The following PRSS33 variants were observed in gnomAD, a reference collection of about 807,000 sequenced individuals.
PRSS33 encodes protease, serine 33.
In PRSS33, 32 loss-of-function variants were observed where a neutral mutation model predicts 26.7. The observed-to-expected ratio is 1.20, with a 90% CI of 0.90 to 1.61. The LOEUF is 1.61. Among genes scored for constraint, PRSS33 ranks in the 40% most tolerant of loss-of-function variants. The pLI is 0.00. For missense variants in PRSS33, 450 were observed against 396.3 expected, an observed-to-expected ratio of 1.14 and a Z score of -1.15; for synonymous variants, 192 against 177.6, an observed-to-expected ratio of 1.08 and a Z score of -0.64.
At chr16:2,785,994 T>G in intron 3 of PRSS33, 33 bp from the exon 4 acceptor site, 2 of 1,613,010 alleles carry the variant, frequency 1.2e-6, no homozygotes. Flanking sequence ...GAGGGTTGGC[T>G]GAGGACCTGG....
chr16:2,787,751 G>C (rs2068894469), upstream of PRSS33: 1 of 152,488 alleles, frequency 6.6e-6, no homozygotes. Context: ...CTTGCGCCAA[G>C]GTACTAGAAG....
At chr16:2,786,726 T>C in intron 1 of PRSS33, 122 bp from the exon 2 acceptor site, 2 of 661,034 alleles carry the variant, frequency 3.0e-6, no homozygotes, top group South Asian at 3.8e-5. Flanking sequence ...TCTGGACTTA[T>C]CCTGGTGGCC....
chr16:2,785,957 G>C lies in PRSS33; in HGVS notation c.84C>G (p.Cys28Trp). ...AGTQGRKSAA[C>W]GQPRMSSRIV... ...TCCGACTGGACATGCGGGGCTGCCC[G>C]CAGGCTAGAAAAGGACCAGGGGCGG... Residue 28 changes from cysteine (C) to tryptophan (W), a missense_variant, in exon 4 of 7, where the codon TGC becomes TGG. Coordinates refer to ENST00000682474, the MANE Select transcript of PRSS33 (RefSeq NM_152891.3). The C allele has an allele frequency of 1.2e-6, 2 of 1,612,742 alleles. No individual in the cohort carries two copies. The highest frequency in any genetic ancestry group is 2.2e-5 in the South Asian group (2 of 91,046).
In PRSS33 at chr16:2,785,014, C is replaced by A; in HGVS notation, c.672G>T (p.Lys224Asn). 6.3e-7 allele frequency: 1 copy of A among 1,596,926 alleles called. No homozygotes were observed. Residue 224 changes from lysine to asparagine, a missense_variant, in exon 6 of 7, where the codon AAG becomes AAT. Physicochemically the swap from Lys to Asn is moderately conservative, Grantham distance 94. Coordinates refer to ENST00000682474, the MANE Select transcript of PRSS33 (RefSeq NM_152891.3). ...GCTGGGTGCACACCTGGCAGGCGTC[C>A]TTGTGGCCCTGGGGGTAGCCGGCAC... ...SLCAGYPQGH[K>N]DACQGDSGGP...
chr16:2,786,024 G>T (rs2068870400), intron 3 of PRSS33, 63 bp from the exon 4 acceptor site: 14 of 1,611,500 alleles, frequency 8.7e-6, no homozygotes, highest in South Asian at 1.1e-5. Flanking sequence ...GGCAGGTGTT[G>T]GTGGGGAGAC....
chr16:2,784,728 C>T lies in PRSS33; in HGVS notation c.759G>A (p.Lys253=). Residue 253 remains lysine (K), a synonymous_variant, in exon 7 of 7, where the codon AAG becomes AAA. Coordinates refer to ENST00000682474, the MANE Select transcript of PRSS33 (RefSeq NM_152891.3). ...CTGGACGGTTGGGCAGGGCACAACC[C>T]TTGCCCCAGCTCACCACGCCCACCA... ...WVLVGVVSWG[K]GCALPNRPGV... is the part of the protein sequence containing the mutation. The T allele has an allele frequency of 1.2e-6, 2 of 1,607,246 alleles. No individual in the cohort carries two copies. The highest frequency in any genetic ancestry group is 1.7e-6 in the Non-Finnish European group (2 of 1,177,106).
rs746061465 is a variant in PRSS33 at position 2,785,832 on chromosome 16, T to TG, written c.208dup (p.Gln70ProfsTer18). The TG allele has an allele frequency of 1.2e-6, 2 of 1,605,918 alleles. No individual in the cohort carries two copies. The highest frequency in any genetic ancestry group is 2.2e-5 in the South Asian group (2 of 90,692). On this transcript the variant is annotated frameshift_variant, in exon 4 of 7. Transcript: ENST00000682474. LOFTEE classifies it high-confidence loss of function. Reference sequence around the variant, plus strand: ...GCAGTGCGCCGCTGTCAGCACCCACTGGGGGGCGATGAGCGACCCCCCGCA... The same window carrying TG: ...GCAGTGCGCCGCTGTCAGCACCCACTGGGGGGGCGATGAGCGACCCCCCGCA...
At chr16:2,785,745 CTGCGGGCCTT>C in intron 4 of PRSS33, 44 bp downstream of exon 4, 5 of 1,516,698 alleles carry the variant, frequency 3.3e-6, no homozygotes, top group Non-Finnish European at 4.4e-6. Context: ...GCCCGGTCCT[CTGCGGGCCTT>C]GCCTTCCTTG....
chr16:2,784,867 C>T (rs1690190281), intron 6 of PRSS33, 65 bp from the exon 7 acceptor site: 3 of 1,538,342 alleles, frequency 2.0e-6, no homozygotes, highest in African/African-American at 2.7e-5. Flanking sequence ...GGTTCCAGAC[C>T]CCTGGCGTGG....
Position 2,785,922 on chromosome 16 carries a change from C to T in PRSS33, c.119G>A (p.Gly40Asp). ...QPRMSSRIVG[G>D]RDGRDGEWPW... is the part of the protein sequence containing the mutation. ...CCACTCTCCGTCCCGGCCATCCCGG[C>T]CCCCAACGATCCGACTGGACATGCG... Residue 40 changes from glycine (G) to aspartate (D), a missense_variant, in exon 4 of 7, where the codon GGC (glycine) becomes GAC (aspartate). Transcript: ENST00000682474. The T allele has an allele frequency of 6.2e-7, 1 of 1,612,272 alleles. No homozygotes were observed. The highest frequency in any genetic ancestry group is 8.5e-7 in the Non-Finnish European group (1 of 1,179,732).
intron 1 of PRSS33, chr16:2,786,913 C>G (rs76344816): frequency 0.066 from 8,135 of 122,414 alleles, 1,855 homozygotes; most frequent in African/African-American, 0.39. Flanking sequence ...CACCCCCTCC[C>G]TCATCCTCAC....
chr16:2,785,689 C>T (rs916329668), intron 4 of PRSS33, 43 bp from the exon 5 acceptor site: 6 of 1,466,398 alleles, frequency 4.1e-6, no homozygotes, highest in African/African-American at 2.8e-5. Context: ...ACCGGGTCCT[C>T]GACCCCCTCC....
chr16:2,786,675 C>T lies in PRSS33; in HGVS notation c.-57-71G>A, dbSNP rs1256853869. 4.9e-6 allele frequency: 5 copies of T among 1,026,994 alleles called. No homozygotes were observed. The East Asian group carries it at 1.3e-4, about 27-fold the overall frequency. 63.6% of individuals were successfully genotyped at this position (1,026,994 alleles called of 1,614,324 possible). ...CCAATCCTCACACCAGCCCGTCACC[C>T]CCTCCGTGGTCCTTCTGTCTGTCCT... On this transcript the variant is annotated intron_variant, in intron 1 of 6. Transcript: ENST00000682474.
intron 2 of PRSS33, 91 bp downstream of exon 2, chr16:2,786,411 T>C: frequency 6.6e-7 from 1 of 1,506,250 alleles, no homozygotes; most frequent in Admixed American, 1.8e-5. Flanking sequence ...CCAAGAGTGC[T>C]CCAGGGAGCC....
In PRSS33 at chr16:2,784,596, G is replaced by A. The variant is rs781484955; in HGVS notation, c.*48C>T. On this transcript the variant is annotated 3_prime_UTR_variant, in exon 7 of 7. Coordinates refer to ENST00000682474, the MANE Select transcript of PRSS33 (RefSeq NM_152891.3). ...GGCAGGTGCCTGGATGAACCAGGAG[G>A]CTGAGGGACCCCAGCAGCTGGCTCC... The A allele has an allele frequency of 8.4e-5, 128 of 1,517,138 alleles. No individual in the cohort carries two copies. Among genetic ancestry groups the A allele is most frequent in the Non-Finnish European group, 1.1e-4 (121 of 1,125,750 alleles). The allele number at this position is 1,517,138 out of a possible 1,614,324, so 94.0% of individuals were successfully genotyped here. A position where few individuals can be genotyped will look rare whatever the true frequency, so the allele number is the denominator to read the frequency against.
chr16:2,786,651 C>G, intron 1 of PRSS33, 47 bp from the exon 2 acceptor site: 1 of 1,292,276 alleles, frequency 7.7e-7, no homozygotes, highest in Non-Finnish European at 1.1e-6. Flanking sequence ...CCAGGGGCAC[C>G]AATCCTCACA....
At position 2,784,661 on chromosome 16, in the gene PRSS33, C is replaced by A; in HGVS notation, c.826G>T (p.Ala276Ser). ...SVATYSPWIQ[A>S]RVSF ...GGCTAGCATTAGAAGCTGACGCGAGCCTGAATCCAGGGGCTATATGTGGCC... is the reference window on the plus strand; with the variant it reads ...GGCTAGCATTAGAAGCTGACGCGAGACTGAATCCAGGGGCTATATGTGGCC... Residue 276 changes from alanine to serine, a missense_variant, in exon 7 of 7, where the codon GCT becomes TCT. Physicochemically the swap from Ala to Ser is moderately conservative, Grantham distance 99. Transcript: ENST00000682474. 6.3e-7 allele frequency: 1 copy of A among 1,599,722 alleles called. No homozygotes were observed. The highest frequency in any genetic ancestry group is 8.5e-7 in the Non-Finnish European group (1 of 1,172,836).
chr16:2,787,697 G>A (rs756028579), upstream of PRSS33, among the ~76,000 whole-genome samples: 1 of 151,870 alleles, frequency 6.6e-6, no homozygotes, highest in East Asian at 2.0e-4. Context: ...CAGAGCTTCA[G>A]AGGTGGCAGG....
In PRSS33 at chr16:2,786,096, C is replaced by T. The variant is rs751478994; in HGVS notation, c.72G>A (p.Lys24=). 6.2e-7 allele frequency: 1 copy of T among 1,613,614 alleles called. No homozygotes were observed. The highest frequency in any genetic ancestry group is 8.5e-7 in the Non-Finnish European group (1 of 1,179,854). Residue 24 remains lysine (K), a synonymous_variant, in exon 3 of 7, where the codon AAG becomes AAA. Transcript: ENST00000682474. ...VLGAAGTQGR[K]SAACGQPRMS... ...ACTCCGAGGCTTCCTCACCTGCAGA[C>T]TTCCTTCCCTGAGTCCCAGCAGCTC...
Sources: gnomAD v4.1 joint callset for allele counts (sites outside exome capture counted in the v4.1 genomes callset) on GRCh38, gnomAD v4.1.1 for gene constraint, MANE v1.5 for transcripts, NCBI Gene and HGNC (gene_info 2026-07-23, HGNC 2026-07-21) for gene names.